The following LZTS2 variants were observed in gnomAD, a reference collection of about 807,000 sequenced individuals.
The protein encoded by LZTS2 is leucine zipper putative tumor suppressor 2.
LZTS2 carries 32 observed loss-of-function variants against 60.6 expected under a neutral mutation model. The observed-to-expected ratio is 0.53, with a 90% CI of 0.40 to 0.71. The LOEUF (loss-of-function observed/expected upper bound fraction) is 0.71. Among genes scored for constraint, LZTS2 ranks in the 30% least tolerant of loss-of-function variants. The pLI, the probability that LZTS2 is intolerant of heterozygous loss-of-function variation, is 0.00. For synonymous variants in LZTS2, 360 were observed against 393.1 expected, an observed-to-expected ratio of 0.92 and a Z score of 1.00; for missense variants, 792 against 901.9, an observed-to-expected ratio of 0.88 and a Z score of 1.56.
At position 101,002,418 on chromosome 10, in the gene LZTS2, A is replaced by G. The variant is rs1273181773; in HGVS notation, c.-121A>G. 4.4e-6 allele frequency: 4 copies of G among 903,356 alleles called. No individual in the cohort carries two copies. The Admixed American group carries it at 9.2e-5, about 21-fold the overall frequency. 56.0% of individuals were successfully genotyped at this position (903,356 alleles called of 1,614,324 possible). On this transcript the variant is annotated 5_prime_UTR_variant, in exon 1 of 4. Transcript: ENST00000370220. Reference sequence around the variant, plus strand: ...GGATCAGGGCTTGTTACTGATGTCAAGGAGGTGTTTGGTCAGGATCAGTGG... The same window carrying G: ...GGATCAGGGCTTGTTACTGATGTCAGGGAGGTGTTTGGTCAGGATCAGTGG...
chr10:101,005,592 GC>G lies in LZTS2; in HGVS notation c.1204del (p.Arg402GlyfsTer52). The G allele has an allele frequency of 6.2e-7, 1 of 1,611,360 alleles. No individual in the cohort carries two copies. Among genetic ancestry groups the G allele is most frequent in the Non-Finnish European group, 8.5e-7 (1 of 1,179,632 alleles). On this transcript the variant is annotated frameshift_variant, in exon 3 of 4. Coordinates refer to ENST00000370220, the Ensembl canonical transcript of LZTS2. LOFTEE classifies it high-confidence loss of function. ...AGGTGTTCCAGCTGCAGCAGGAGAA[GC>G]GGCAATTGCAGGACGACTTCGCACA...
intron 2 of LZTS2, among the ~76,000 whole-genome samples, chr10:101,004,778 A>G (rs931575641): frequency 3.9e-5 from 6 of 152,244 alleles, no homozygotes; most frequent in Non-Finnish European, 8.8e-5. Flanking sequence ...AGGATTAAAT[A>G]AGGCAAAAGG....
exon 1 of LZTS2, chr10:101,002,381 G>A (rs1852058127): frequency 3.4e-6 from 2 of 584,412 alleles, no homozygotes; most frequent in Non-Finnish European, 2.7e-6. Context: ...CTTGAAGGGG[G>A]AGTCTTGGTG....
exon 1 of LZTS2, chr10:101,002,938 C>G: frequency 6.2e-7 from 1 of 1,609,638 alleles, no homozygotes. Context: ...CTCTGGAAAG[C>G]TGGAGAAGGT....
exon 1 of LZTS2, chr10:101,002,928 C>G (rs1212667515): frequency 1.9e-6 from 3 of 1,610,924 alleles, no homozygotes; most frequent in Non-Finnish European, 1.7e-6. Context: ...TCATCCCTGT[C>G]TCTGGAAAGC....
At chr10:101,001,558 G>A (rs1430641636) in exon 1 of LZTS2, 1 of 152,252 alleles carries the variant, frequency 6.6e-6, no homozygotes, top group Non-Finnish European at 1.5e-5. Flanking sequence ...GGTCATCAGC[G>A]GCCTCGGGAC....
upstream of LZTS2, chr10:100,996,768 C>G (rs770728226): frequency 3.3e-5 from 5 of 152,364 alleles, no homozygotes; most frequent in Non-Finnish European, 5.9e-5. Context: ...GGGGATTGGG[C>G]CAAGAGTGGA....
rs767715226 is a variant in LZTS2, at chr10:101,002,671, C to G, written c.133C>G (p.Pro45Ala). The change falls in exon 1 of 4, where the codon CCC (proline) becomes GCC (alanine). Residue 45 changes from proline to alanine, a missense_variant. Transcript: ENST00000370220. ...GCCCTGTCCCGGGGGGCCAGCTCCTCCCCGCCACCACGGCCCTCCTGGGCC... is the reference window on the plus strand; with the variant it reads ...GCCCTGTCCCGGGGGGCCAGCTCCTGCCCGCCACCACGGCCCTCCTGGGCC... 4.2e-5 allele frequency: 67 copies of G among 1,609,048 alleles called. No homozygotes were observed. Among genetic ancestry groups the G allele is most frequent in the Non-Finnish European group, 5.6e-5 (66 of 1,177,462 alleles).
chr10:101,006,879 AGGTGGAGCGATTGCG>A, exon 4 of LZTS2: 2 of 1,532,522 alleles, frequency 1.3e-6, no homozygotes, highest in South Asian at 1.3e-5. Context: ...TTGCGGGCCC[AGGTGGAGCGATTGCG>A]GGTGGAGCTG....
At chr10:101,007,355 C>T (rs1023019188) in exon 4 of LZTS2, 9 of 1,418,986 alleles carry the variant, frequency 6.3e-6, no homozygotes, top group African/African-American at 2.9e-5. Flanking sequence ...GGAGCAAGAT[C>T]AGACCGCTCA....
At chr10:101,003,067 T>G (rs569051553) in intron 1 of LZTS2, 121 bp downstream of exon 2, 47 of 1,223,842 alleles carry the variant, frequency 3.8e-5, no homozygotes, top group Middle Eastern at 4.6e-4. Flanking sequence ...ACCTGGGTCC[T>G]AATCCCAGCT....
In LZTS2 at chr10:101,003,993, C is replaced by T. The variant is rs2275381; in HGVS notation, c.895C>T (p.Arg299Trp). ...TGGGGGGCTTTTGGGCAGTGGTACT[C>T]GGGCCTCCCCTGACAGCAGCTCCTG... Residue 299 changes from arginine to tryptophan, a missense_variant, in exon 2 of 4, where the codon CGG becomes TGG. Transcript: ENST00000370220. 1.9e-4 allele frequency: 301 copies of T among 1,612,852 alleles called. 1 individual carries two copies. The East Asian group carries it at 5.6e-3, about 30-fold the overall frequency.
upstream of LZTS2, among the ~76,000 whole-genome samples, chr10:100,997,597 T>G (rs1851942418): frequency 6.6e-6 from 1 of 150,654 alleles, no homozygotes; most frequent in African/African-American, 2.4e-5. Context: ...GGCAGCCCTG[T>G]GACTACCGAC....
chr10:100,996,726 TTGTC>T (rs1289681867), upstream of LZTS2: 3 of 152,416 alleles, frequency 2.0e-5, no homozygotes, highest in African/African-American at 4.8e-5. Flanking sequence ...TGAGCCTTCT[TTGTC>T]TGCTTCCCAG....
Position 101,003,011 on chromosome 10 carries a change from TTAGAAGCTTATA to T in LZTS2, c.408+70_408+81del, listed in dbSNP as rs760322237. 201 of 1,519,304 alleles carry T rather than the reference TTAGAAGCTTATA, an allele frequency of 1.3e-4. 1 individual carries two copies. The highest frequency in any genetic ancestry group is 3.9e-5 in the Non-Finnish European group (44 of 1,137,866). 94.1% of individuals were successfully genotyped at this position (1,519,304 alleles called of 1,614,324 possible). The stretch of plus-strand genomic sequence containing the variant: ...GAGTCCTCGCTTGGGAAACTGGAAT[TTAGAAGCTTATA>T]TAGAGGAAAGAGTGTGGGCTCCAGA... On this transcript the variant is annotated intron_variant, in intron 1 of 3. Transcript: ENST00000370220.
At chr10:101,000,423 C>T (rs1227980896) in exon 1 of LZTS2, 2 of 152,298 alleles carry the variant, frequency 1.3e-5, no homozygotes, top group Admixed American at 1.3e-4. Context: ...TTTCCAGACT[C>T]CTGGCTCTGG....
At chr10:101,003,677 CTCCTCCTCTTCA>C (rs1852097392) in exon 2 of LZTS2, 5 of 1,612,112 alleles carry the variant, frequency 3.1e-6, no homozygotes, top group Non-Finnish European at 3.4e-6. Flanking sequence ...CCTCCTCTTC[CTCCTCCTCTTCA>C]GCTGCTGACA....
At chr10:101,003,256 A>G (rs1852086035) in intron 1 of LZTS2, 1 of 525,198 alleles carries the variant, frequency 1.9e-6, no homozygotes, top group Non-Finnish European at 3.2e-6. Context: ...GACTTTGGGC[A>G]AGGCCTTTAA....
chr10:101,003,423 C>A (rs1224806360), intron 1 of LZTS2, 84 bp from the exon 3 acceptor site: 3 of 1,419,680 alleles, frequency 2.1e-6, no homozygotes, highest in African/African-American at 1.4e-5. Context: ...CACTGGGGAC[C>A]CAAGACGGGA....
Sources: allele counts gnomAD v4.1 joint callset (sites outside exome capture counted in the v4.1 genomes callset), GRCh38; gene constraint gnomAD v4.1.1; transcripts MANE v1.5; gene names NCBI Gene and HGNC (gene_info 2026-07-23, HGNC 2026-07-21).